The following HIVEP3 variants were observed in gnomAD, a reference collection of about 807,000 sequenced individuals.
HIVEP3 encodes transcription factor HIVEP3.
HIVEP3 carries 49 observed loss-of-function variants against 152.8 expected under a neutral mutation model. The observed-to-expected ratio is 0.32, with a 90% CI of 0.26 to 0.41. The LOEUF (loss-of-function observed/expected upper bound fraction) is 0.41, where lower values mean the gene tolerates loss of function less well. HIVEP3 is among the 10% of genes least tolerant of loss of function. The probability of loss-of-function intolerance (pLI) is 1.00; values close to 1 mark genes in which losing one functional copy is unlikely to be tolerated. For synonymous variants in HIVEP3, 1,269 were observed against 1,289.0 expected, an observed-to-expected ratio of 0.98 and a Z score of 0.33; for missense variants, 2,790 against 3,103.3, an observed-to-expected ratio of 0.90 and a Z score of 2.40.
intron 2 of HIVEP3, among the ~76,000 whole-genome samples, chr1:41,676,361 C>T (rs1645956179): frequency 6.6e-6 from 1 of 152,108 alleles, no homozygotes; most frequent in Non-Finnish European, 1.5e-5. Context: ...CTAGGTGTTT[C>T]TCAGCACTCC....
In HIVEP3 at chr1:41,513,118, G is replaced by C. The variant is rs1329815146; in HGVS notation, c.6103C>G (p.Pro2035Ala). 3.1e-6 allele frequency: 5 copies of C among 1,613,846 alleles called. No homozygotes were observed. Among genetic ancestry groups the C allele is most frequent in the Non-Finnish European group, 4.2e-6 (5 of 1,180,002 alleles). Residue 2035 changes from proline (P) to alanine (A), a missense_variant, in exon 8 of 9, where the codon CCT becomes GCT. Pro to Ala is a conservative substitution (Grantham distance 27, BLOSUM62 -1). This residue lies in a region of HIVEP3 where 816 missense variants were observed against 806.5 expected (regional missense o/e 1.01). Coordinates refer to ENST00000372583, the MANE Select transcript of HIVEP3 (RefSeq NM_024503.5). ...PCGSPRLQLS[P>A]LTLCPLGREL... ...CTTCCCAGGGGGCAGAGGGTGAGAGGAGACAGCTGAAGTCTTGGAGACCCA... is the reference window on the plus strand; with the variant it reads ...CTTCCCAGGGGGCAGAGGGTGAGAGCAGACAGCTGAAGTCTTGGAGACCCA...
Position 41,581,479 on chromosome 1 carries a change from C to T in HIVEP3, c.3319G>A (p.Asp1107Asn), listed in dbSNP as rs1265604444. 6 of 1,576,054 alleles carry T rather than the reference C, an allele frequency of 3.8e-6. No homozygotes were observed. Among genetic ancestry groups the T allele is most frequent in the Non-Finnish European group, 4.3e-6 (5 of 1,162,108 alleles). ...GPPGGKGPGQ[D>N]RPPLGPTVPY... Reference sequence around the variant, plus strand: ...ACAGTGGGCCCCAATGGGGGCCTGTCCTGCCCTGGGCCCTTGCCTCCCGGG... The same window carrying T: ...ACAGTGGGCCCCAATGGGGGCCTGTTCTGCCCTGGGCCCTTGCCTCCCGGG... The change falls in exon 4 of 9, where the codon GAC becomes AAC. Residue 1107 changes from aspartate (D) to asparagine (N), a missense_variant. This residue lies in a region of HIVEP3 where 1,078 missense variants were observed against 1,165.3 expected (regional missense o/e 0.93). Transcript: ENST00000372583. The surrounding 1 kb of genome is among the most constrained non-coding windows in gnomAD (Gnocchi z 4.5).
intron 5 of HIVEP3, among the ~76,000 whole-genome samples, chr1:41,538,940 G>C (rs1369204302): frequency 1.3e-5 from 2 of 152,172 alleles, no homozygotes; most frequent in Non-Finnish European, 2.9e-5. Flanking sequence ...GGGCATGGGG[G>C]TGGGGAAGCC....
At chr1:41,758,416 C>T (rs920254704) in intron 1 of HIVEP3, among the ~76,000 whole-genome samples, 2 of 152,230 alleles carry the variant, frequency 1.3e-5, no homozygotes, top group African/African-American at 4.8e-5. Context: ...GCAGACACAT[C>T]TATCCACCAG....
chr1:41,627,357 C>T (rs1645131881), intron 3 of HIVEP3, among the ~76,000 whole-genome samples: 1 of 152,226 alleles, frequency 6.6e-6, no homozygotes, highest in African/African-American at 2.4e-5. Flanking sequence ...CACACAACCA[C>T]TAAGAGTCGG....
chr1:41,679,178 A>G (rs768611662), intron 2 of HIVEP3, among the ~76,000 whole-genome samples: 5 of 151,624 alleles, frequency 3.3e-5, no homozygotes, highest in Admixed American at 6.6e-5. Flanking sequence ...TTTTCTTCTC[A>G]CCTCCCCAAA....
In HIVEP3 at chr1:41,510,171, C is replaced by A. The variant is rs1644428933; in HGVS notation, c.*280G>T. ...TCAGGAGGCTTCACCATCAGCCTTT[C>A]CCCAAAACCATAAACTATTCACAGC... On this transcript the variant is annotated 3_prime_UTR_variant, in exon 9 of 9. Transcript: ENST00000372583. 6.6e-6 allele frequency: 2 copies of A among 302,170 alleles called. No homozygotes were observed. The highest frequency in any genetic ancestry group is 1.0e-4 in the Admixed American group (2 of 19,580). 18.7% of individuals were successfully genotyped at this position (302,170 alleles called of 1,614,324 possible). A position where few individuals can be genotyped will look rare whatever the true frequency, so the allele number is the denominator to read the frequency against.
intron 3 of HIVEP3, among the ~76,000 whole-genome samples, chr1:41,594,657 C>T (rs1291844513): frequency 6.6e-6 from 1 of 152,106 alleles, no homozygotes; most frequent in Non-Finnish European, 1.5e-5. Flanking sequence ...AGCTATTGAT[C>T]CTTTACATAT....
upstream of HIVEP3, among the ~76,000 whole-genome samples, chr1:41,920,606 C>A (rs542550275): frequency 1.3e-5 from 2 of 149,932 alleles, no homozygotes; most frequent in South Asian, 2.1e-4. Context: ...GTTTTTTACC[C>A]CAGGAGAGTT....
At chr1:41,545,584 T>TCACCATCACCACCACCAC (rs1643761378) in intron 5 of HIVEP3, among the ~76,000 whole-genome samples, 1 of 15,262 alleles carries the variant, frequency 6.6e-5, no homozygotes, top group African/African-American at 2.7e-4. Context: ...ACCACCACCA[T>TCACCATCACCACCACCAC]CACCATCACC....
intron 2 of HIVEP3, among the ~76,000 whole-genome samples, chr1:41,674,521 GAGA>G (rs1645924680): frequency 6.6e-6 from 1 of 152,224 alleles, no homozygotes; most frequent in Non-Finnish European, 1.5e-5. Flanking sequence ...AATGAGGACA[GAGA>G]AGGTGAGAGA....
intron 1 of HIVEP3, among the ~76,000 whole-genome samples, chr1:42,013,703 G>A (rs185920600): frequency 6.6e-6 from 1 of 152,296 alleles, no homozygotes; most frequent in South Asian, 2.1e-4. Flanking sequence ...CAAACCCATA[G>A]CAGTCTTCCA....
intron 2 of HIVEP3, among the ~76,000 whole-genome samples, chr1:41,652,678 G>A (rs559587007): frequency 5.3e-5 from 8 of 152,294 alleles, no homozygotes; most frequent in Admixed American, 4.6e-4. Context: ...CCACCTCACC[G>A]GCCATTTCCA....
intron 1 of HIVEP3, among the ~76,000 whole-genome samples, chr1:41,949,878 C>T (rs1306657136): frequency 2.6e-5 from 4 of 152,186 alleles, no homozygotes; most frequent in Non-Finnish European, 5.9e-5. Flanking sequence ...GGCACCCCTC[C>T]TGAGGAAATC....
intron 1 of HIVEP3, among the ~76,000 whole-genome samples, chr1:42,012,289 G>A (rs1238401902): frequency 6.6e-6 from 1 of 152,170 alleles, no homozygotes; most frequent in African/African-American, 2.4e-5. Flanking sequence ...GTTATGAATG[G>A]AGTGTTTGCG....
At chr1:42,028,011 T>C (rs1425766790) in intron 1 of HIVEP3, among the ~76,000 whole-genome samples, 1 of 152,198 alleles carries the variant, frequency 6.6e-6, no homozygotes, top group African/African-American at 2.4e-5. Context: ...TCTAGATTTC[T>C]TCATGGCTTA....
chr1:41,980,576 A>G (rs561791141), intron 1 of HIVEP3, among the ~76,000 whole-genome samples: 13 of 152,332 alleles, frequency 8.5e-5, no homozygotes, highest in Non-Finnish European at 1.3e-4. Flanking sequence ...ATTGGGCACA[A>G]CAGATCTTTT....
intron 2 of HIVEP3, among the ~76,000 whole-genome samples, chr1:41,700,486 G>A (rs527248529): frequency 2.6e-5 from 4 of 152,322 alleles, no homozygotes; most frequent in African/African-American, 7.2e-5. Flanking sequence ...TGAGTTCTAA[G>A]GATGTGGTAC....
At chr1:41,925,746 T>C (rs1644964663) in intron 1 of HIVEP3, among the ~76,000 whole-genome samples, 1 of 152,180 alleles carries the variant, frequency 6.6e-6, no homozygotes, top group Non-Finnish European at 1.5e-5. Flanking sequence ...GGCAATCAAA[T>C]TGCATGACTG....
Sources: allele counts gnomAD v4.1 joint callset (sites outside exome capture counted in the v4.1 genomes callset), GRCh38; gene constraint gnomAD v4.1.1; regional missense constraint gnomAD v4.1.1; non-coding constraint Gnocchi (gnomAD v3.1); transcripts MANE v1.5; gene names NCBI Gene and HGNC (gene_info 2026-07-23, HGNC 2026-07-21).